ADAMTSL3: variants seen among roughly 807,000 people sequenced by gnomAD.
ADAMTSL3 encodes the protein ADAMTS like 3.
Under a neutral mutation model 201.7 loss-of-function variants are expected in ADAMTSL3, and 128 were observed. The ratio of observed to expected loss-of-function variants is 0.63; its 90% confidence interval spans 0.55 to 0.73. The LOEUF (loss-of-function observed/expected upper bound fraction) is 0.73. Ranked by LOEUF, ADAMTSL3 falls within the 30% of genes least tolerant of loss-of-function variation. The pLI is 0.00. For synonymous variants in ADAMTSL3, 738 were observed against 748.4 expected (o/e 0.99, Z 0.23); for missense variants, 1,990 against 2,119.6 (o/e 0.94, Z 1.20).
intron 3 of ADAMTSL3, among the ~76,000 whole-genome samples, chr15:83,721,905 T>G (rs201139664): frequency 6.6e-6 from 1 of 151,940 alleles, no homozygotes; most frequent in Non-Finnish European, 1.5e-5. Context: ...GCTAATTTTT[T>G]TATTTTTAGT....
chr15:83,980,991 G>A (rs1009066643), intron 20 of ADAMTSL3, among the ~76,000 whole-genome samples: 4 of 152,126 alleles, frequency 2.6e-5, no homozygotes, highest in African/African-American at 9.7e-5. Flanking sequence ...CTGTAACTGG[G>A]GTCCCCCAAG....
At chr15:83,681,376 G>A (rs2061474063) in intron 2 of ADAMTSL3, among the ~76,000 whole-genome samples, 1 of 152,122 alleles carries the variant, frequency 6.6e-6, no homozygotes, top group African/African-American at 2.4e-5. Context: ...TAAGTCATGT[G>A]GACATACTTA....
chr15:83,675,240 G>A (rs985743925), intron 2 of ADAMTSL3, among the ~76,000 whole-genome samples: 1 of 152,060 alleles, frequency 6.6e-6, no homozygotes, highest in Non-Finnish European at 1.5e-5. Flanking sequence ...GTGAAACTAG[G>A]AGGTCCTTGA....
chr15:83,839,414 A>G (rs1596301021), intron 7 of ADAMTSL3, among the ~76,000 whole-genome samples: 2 of 152,156 alleles, frequency 1.3e-5, no homozygotes, highest in South Asian at 4.1e-4. Context: ...ATAAGACAGA[A>G]CGGCATTTGG....
At chr15:84,031,232 C>A in intron 27 of ADAMTSL3, 103 bp from the exon 28 acceptor site, 2 of 1,164,926 alleles carry the variant, frequency 1.7e-6, no homozygotes, top group Admixed American at 3.5e-5. Flanking sequence ...TTACAGTCCC[C>A]TTGTAATAGG....
At chr15:83,830,002 T>G (rs2064119499) in intron 6 of ADAMTSL3, among the ~76,000 whole-genome samples, 1 of 152,248 alleles carries the variant, frequency 6.6e-6, no homozygotes, top group Non-Finnish European at 1.5e-5. Context: ...ATGTATATTC[T>G]GTTGATTTGG....
chr15:83,836,860 G>A (rs1472052485), intron 6 of ADAMTSL3, among the ~76,000 whole-genome samples: 1 of 152,128 alleles, frequency 6.6e-6, no homozygotes, highest in Non-Finnish European at 1.5e-5. Context: ...TTGTACGTGG[G>A]TGTTTTCTTC....
intron 17 of ADAMTSL3, among the ~76,000 whole-genome samples, chr15:83,936,422 C>T (rs768160769): frequency 6.6e-6 from 1 of 150,830 alleles, no homozygotes; most frequent in Non-Finnish European, 1.5e-5. Context: ...TCAGGAAAAA[C>T]AGAATTCTTA....
rs536781199 is a variant in ADAMTSL3 at position 83,704,922 on chromosome 15, G to T, written c.189+414G>T. Among the ~76,000 whole-genome samples the T allele has an allele frequency of 5.0e-4, 76 of 151,962 alleles. 1 individual carries two copies. Among genetic ancestry groups the T allele is most frequent in the African/African-American group, 1.8e-3 (74 of 41,434 alleles). On this transcript the variant is annotated intron_variant, in intron 3 of 29. Coordinates refer to ENST00000286744, the MANE Select transcript of ADAMTSL3 (RefSeq NM_207517.3). ...CTTTTTTCCCCAAGATTACTTTTCAGAAAGGAACACAGTGTGAATGCCTGT... is the reference window on the plus strand; with the variant it reads ...CTTTTTTCCCCAAGATTACTTTTCATAAAGGAACACAGTGTGAATGCCTGT...
intron 5 of ADAMTSL3, among the ~76,000 whole-genome samples, chr15:83,806,318 CA>C (rs1450993829): frequency 2.6e-5 from 4 of 152,152 alleles, no homozygotes; most frequent in African/African-American, 9.7e-5. Flanking sequence ...GGCAAAGGTG[CA>C]CCACTACTGC....
At chr15:83,923,808 G>C in intron 16 of ADAMTSL3, 96 bp from the exon 17 acceptor site, 1 of 1,432,946 alleles carries the variant, frequency 7.0e-7, no homozygotes. Context: ...CAAAAGGGCA[G>C]TATGCTAAGA....
chr15:83,789,436 A>AT (rs35434119), intron 4 of ADAMTSL3, among the ~76,000 whole-genome samples: 96 of 149,566 alleles, frequency 6.4e-4, no homozygotes, highest in African/African-American at 1.5e-3. Context: ...TTTCTTTTAA[A>AT]TTTTTTTTTT....
At chr15:83,880,252 A>G (rs1189381932) in intron 9 of ADAMTSL3, among the ~76,000 whole-genome samples, 1 of 152,098 alleles carries the variant, frequency 6.6e-6, no homozygotes, top group Non-Finnish European at 1.5e-5. Flanking sequence ...TTTATATGTA[A>G]TTATACCTTT....
chr15:83,875,739 C>T (rs532114778), intron 9 of ADAMTSL3, among the ~76,000 whole-genome samples: 7 of 152,274 alleles, frequency 4.6e-5, no homozygotes, highest in African/African-American at 1.7e-4. Flanking sequence ...GCCGAGATTG[C>T]ACAGCCGCAC....
intron 21 of ADAMTSL3, 121 bp from the exon 22 acceptor site, chr15:83,988,570 C>G (rs982319900): frequency 5.5e-5 from 45 of 817,868 alleles, no homozygotes; most frequent in Non-Finnish European, 7.6e-5. Context: ...CAAAATTATC[C>G]TTTGTGAGCT....
At chr15:83,947,920 C>T (rs946174344) in intron 19 of ADAMTSL3, among the ~76,000 whole-genome samples, 2 of 152,174 alleles carry the variant, frequency 1.3e-5, no homozygotes, top group Non-Finnish European at 2.9e-5. Flanking sequence ...TCTTCACTCT[C>T]TCCCAACCAG....
At chr15:83,883,829 G>A (rs2065330628) in intron 9 of ADAMTSL3, among the ~76,000 whole-genome samples, 1 of 151,956 alleles carries the variant, frequency 6.6e-6, no homozygotes, top group African/African-American at 2.4e-5. Flanking sequence ...AACTCCCAAA[G>A]TGCTAGGATT....
intron 11 of ADAMTSL3, chr15:83,891,069 A>T (rs749596619): frequency 7.8e-6 from 3 of 384,270 alleles, no homozygotes; most frequent in Non-Finnish European, 1.4e-5. Flanking sequence ...AAATTGCAAG[A>T]TACTTTTCTC....
At chr15:83,958,518 T>A (rs968089920) in intron 19 of ADAMTSL3, among the ~76,000 whole-genome samples, 1 of 152,160 alleles carries the variant, frequency 6.6e-6, no homozygotes, top group Non-Finnish European at 1.5e-5. Flanking sequence ...ACAGTGAAGA[T>A]AACTATCCTG....
Sources: allele counts gnomAD v4.1 joint callset (sites outside exome capture counted in the v4.1 genomes callset), GRCh38; gene constraint gnomAD v4.1.1; transcripts MANE v1.5; gene names NCBI Gene and HGNC (gene_info 2026-07-23, HGNC 2026-07-21).